The following PLAG1 variants were observed in gnomAD, a reference collection of about 807,000 sequenced individuals.
PLAG1 encodes PLAG1 zinc finger, also known as zinc finger protein PLAG1.
PLAG1 carries 7 observed loss-of-function variants against 35.5 expected under a neutral mutation model. The observed-to-expected ratio is 0.20, with a 90% confidence interval of 0.11 to 0.37. The LOEUF is 0.37. Ranked by LOEUF, PLAG1 falls within the 10% of genes least tolerant of loss-of-function variation. PLAG1 has a pLI of 1.00. For missense variants in PLAG1, 454 were observed against 602.8 expected (o/e 0.75, Z 2.58); for synonymous variants, 229 against 225.4 (o/e 1.02, Z -0.14).
intron 1 of PLAG1, among the ~76,000 whole-genome samples, chr8:56,196,781 T>C (rs1460324930): frequency 6.6e-6 from 1 of 152,000 alleles, no homozygotes; most frequent in Non-Finnish European, 1.5e-5. Context: ...CTGCCGTGCA[T>C]AATACATGTG....
In PLAG1 at chr8:56,161,992, G is replaced by C. The variant is rs537777795; in HGVS notation, c.*4251C>G. ...AGAGGGTTGACAACATCATAGAAAG[G>C]CCCTAAGTGCAATCTGAGTGTGCCT... is the stretch of plus-strand genomic sequence containing the variant. On this transcript the variant is annotated 3_prime_UTR_variant, in exon 5 of 5. Transcript: ENST00000316981. 4.4e-6 allele frequency: 1 copy of C among 226,888 alleles called. No homozygotes were observed. Among genetic ancestry groups the C allele is most frequent in the East Asian group, 6.3e-5 (1 of 15,790 alleles). The allele number at this position is 226,888 out of a possible 1,614,324, so 14.1% of individuals were successfully genotyped here.
chr8:56,210,828 G>GTT (rs879595849), intron 1 of PLAG1, among the ~76,000 whole-genome samples: 108 of 144,066 alleles, frequency 7.5e-4, no homozygotes, highest in African/African-American at 2.6e-3. Flanking sequence ...CTGAATAAAG[G>GTT]TTTTTTTTTT....
In PLAG1 at chr8:56,166,680, T is replaced by C. The variant is rs1284492525; in HGVS notation, c.1066A>G (p.Ile356Val). The change falls in exon 5 of 5, where the codon ATT (isoleucine) becomes GTT (valine). Residue 356 changes from isoleucine to valine, a missense_variant. Physicochemically the swap from Ile to Val is conservative, Grantham distance 29. This residue lies in a region of PLAG1 where 271 missense variants were observed against 315.6 expected (regional missense o/e 0.86). Coordinates refer to ENST00000316981, the MANE Select transcript of PLAG1 (RefSeq NM_002655.3). ...TGTAACTCCATCAGGTAACTCTCAATTTCCCCCTTTAATGGCTGTTCTTTT... is the reference window on the plus strand; with the variant it reads ...TGTAACTCCATCAGGTAACTCTCAACTTCCCCCTTTAATGGCTGTTCTTTT... The part of the protein sequence containing the change: ...PEKEQPLKGE[I>V]ESYLMELQGG... 3.7e-6 allele frequency: 6 copies of C among 1,614,112 alleles called. No homozygotes were observed. Among genetic ancestry groups the C allele is most frequent in the Non-Finnish European group, 4.2e-6 (5 of 1,179,992 alleles).
At chr8:56,196,048 C>T (rs1159562884) in intron 1 of PLAG1, among the ~76,000 whole-genome samples, 1 of 152,130 alleles carries the variant, frequency 6.6e-6, no homozygotes, top group Middle Eastern at 3.2e-3. Flanking sequence ...ATTTGGGGAG[C>T]ACAGAAGTGC....
chr8:56,193,835 C>T (rs754778086), intron 1 of PLAG1, among the ~76,000 whole-genome samples: 1 of 151,844 alleles, frequency 6.6e-6, no homozygotes, highest in Non-Finnish European at 1.5e-5. Flanking sequence ...ATAGCTGGCA[C>T]CTGCTATTCG....
At chr8:56,171,606 GAAC>G (rs1283967392) in intron 2 of PLAG1, among the ~76,000 whole-genome samples, 1 of 152,158 alleles carries the variant, frequency 6.6e-6, no homozygotes, top group Non-Finnish European at 1.5e-5. Context: ...GCCACCCAAA[GAAC>G]AACAGGCTCC....
intron 1 of PLAG1, among the ~76,000 whole-genome samples, chr8:56,207,134 T>G (rs184053225): frequency 9.2e-5 from 14 of 152,018 alleles, no homozygotes; most frequent in Non-Finnish European, 1.8e-4. Flanking sequence ...AGAACAGGAT[T>G]CTAAAGAAAA....
At chr8:56,195,538 G>T (rs1210456178) in intron 1 of PLAG1, among the ~76,000 whole-genome samples, 1 of 152,188 alleles carries the variant, frequency 6.6e-6, no homozygotes. Flanking sequence ...CATGCAGAGG[G>T]CAGGTGCCAG....
intron 1 of PLAG1, among the ~76,000 whole-genome samples, chr8:56,196,951 C>T (rs13272882): frequency 0.2 from 28,557 of 142,964 alleles, 3,013 homozygotes; most frequent in African/African-American, 0.25. Flanking sequence ...CCCTAGTGTG[C>T]GTGTGTGTGT....
chr8:56,161,267 T>C lies in PLAG1; in HGVS notation c.*4976A>G, dbSNP rs964433135. On this transcript the variant is annotated 3_prime_UTR_variant, in exon 5 of 5. Transcript: ENST00000316981. ...ATTTCCCAATATTACAGAATAGCAA[T>C]TTTAAATGCAATAAAAATATACAAA... 4 of 204,818 alleles carry C rather than the reference T, an allele frequency of 2.0e-5. No homozygotes were observed. The highest frequency in any genetic ancestry group is 6.0e-5 in the Admixed American group (1 of 16,734). 12.7% of individuals were successfully genotyped at this position (204,818 alleles called of 1,614,324 possible).
In PLAG1 at chr8:56,174,523, C is replaced by T. The variant is rs1040267635; in HGVS notation, c.-216-3334G>A. Among the ~76,000 whole-genome samples the T allele has an allele frequency of 5.9e-5, 9 of 152,052 alleles. 1 individual carries two copies. The highest frequency in any genetic ancestry group is 2.1e-4 in the South Asian group (1 of 4,828). ...CTAAGAATGAAAAATCAACTGCAGA[C>T]GGTACAGGGGCAGAGAGGTTGTGCC... On this transcript the variant is annotated intron_variant, in intron 2 of 4. Coordinates refer to ENST00000316981, the MANE Select transcript of PLAG1 (RefSeq NM_002655.3).
rs954400687 is a variant in PLAG1, at chr8:56,161,862, C to T, written c.*4381G>A. 2.1e-4 allele frequency: 47 copies of T among 228,704 alleles called. No homozygotes were observed. Among genetic ancestry groups the T allele is most frequent in the African/African-American group, 4.4e-5 (2 of 45,056 alleles). 14.2% of individuals were successfully genotyped at this position (228,704 alleles called of 1,614,324 possible). A position where few individuals can be genotyped will look rare whatever the true frequency, so the allele number is the denominator to read the frequency against. On this transcript the variant is annotated 3_prime_UTR_variant, in exon 5 of 5. Coordinates refer to ENST00000316981, the MANE Select transcript of PLAG1 (RefSeq NM_002655.3). The stretch of plus-strand genomic sequence containing the variant: ...GAGAAGATAAACATTCATTCTGGTT[C>T]ATCTGTACCACTGAAGCTTATATAA...
chr8:56,209,261 C>G (rs1812780245), intron 1 of PLAG1: 1 of 152,252 alleles, frequency 6.6e-6, no homozygotes, highest in South Asian at 2.1e-4. Context: ...AAATCAGCTT[C>G]CAAAGCAAAG....
intron 2 of PLAG1, among the ~76,000 whole-genome samples, chr8:56,177,247 G>A (rs1811727003): frequency 6.6e-6 from 1 of 152,168 alleles, no homozygotes; most frequent in African/African-American, 2.4e-5. Context: ...GTTCAGGTCT[G>A]CACATACCAT....
At chr8:56,170,485 T>C (rs1171369966) in intron 3 of PLAG1, among the ~76,000 whole-genome samples, 2 of 152,196 alleles carry the variant, frequency 1.3e-5, no homozygotes, top group East Asian at 1.9e-4. Flanking sequence ...CAAACCTTAA[T>C]TTTCATTATT....
At position 56,167,427 on chromosome 8, in the gene PLAG1, G is replaced by A. The variant is rs777381816; in HGVS notation, c.319C>T (p.Leu107=). 2 of 1,613,306 alleles carry A rather than the reference G, an allele frequency of 1.2e-6. No individual in the cohort carries two copies. Among genetic ancestry groups the A allele is most frequent in the South Asian group, 1.1e-5 (1 of 91,012 alleles). The change falls in exon 5 of 5, where the codon CTG becomes TTG. Residue 107 remains leucine (L), a synonymous_variant. Coordinates refer to ENST00000316981, the MANE Select transcript of PLAG1 (RefSeq NM_002655.3). This position sits in a 1 kb window ranked among gnomAD's most constrained non-coding sequence, Gnocchi z 5.9. ...TCGTGTGTATGGAGGTGATTCTTCA[G>A]ATGATCTTTCCGGTGAAACATTTTC... The part of the protein sequence containing the change: ...CEKMFHRKDH[L]KNHLHTHDPN...
At chr8:56,175,644 T>A (rs1261321112) in intron 2 of PLAG1, among the ~76,000 whole-genome samples, 1 of 152,230 alleles carries the variant, frequency 6.6e-6, no homozygotes, top group Non-Finnish European at 1.5e-5. Context: ...CTAGGACATC[T>A]TTTTGAAATT....
At position 56,175,637 on chromosome 8, in the gene PLAG1, G is replaced by A. The variant is rs1699017190; in HGVS notation, c.-217+3772C>T. 2.6e-5 allele frequency among the ~76,000 whole-genome samples: 4 copies of A among 151,988 alleles called. No individual in the cohort carries two copies. In the South Asian group the frequency reaches 8.3e-4, roughly 32 times the overall value. ...AGCAATTCATTAAAATATAGTTCTAGGACATCTTTTTGAAATTTACCATAA... is the reference window on the plus strand; with the variant it reads ...AGCAATTCATTAAAATATAGTTCTAAGACATCTTTTTGAAATTTACCATAA... On this transcript the variant is annotated intron_variant, in intron 2 of 4. Transcript: ENST00000316981.
chr8:56,165,433 T>A lies in PLAG1; in HGVS notation c.*810A>T, dbSNP rs1381769549. ...AAAAGACTAAAGAGATCTACCTATA[T>A]ATCGACTCTGAAGACCCCAATGCCA... On this transcript the variant is annotated 3_prime_UTR_variant, in exon 5 of 5. Coordinates refer to ENST00000316981, the MANE Select transcript of PLAG1 (RefSeq NM_002655.3). 4.6e-6 allele frequency: 1 copy of A among 216,606 alleles called. No individual in the cohort carries two copies. Among genetic ancestry groups the A allele is most frequent in the African/African-American group, 2.3e-5 (1 of 44,390 alleles). 13.4% of individuals were successfully genotyped at this position (216,606 alleles called of 1,614,324 possible).
Sources: allele counts gnomAD v4.1 joint callset (sites outside exome capture counted in the v4.1 genomes callset), GRCh38; gene constraint gnomAD v4.1.1; regional missense constraint gnomAD v4.1.1; non-coding constraint Gnocchi (gnomAD v3.1); transcripts MANE v1.5; gene names NCBI Gene and HGNC (gene_info 2026-07-23, HGNC 2026-07-21).